Variants in SYNE2 observed in about 807,000 individuals in gnomAD.
SYNE2 encodes nesprin-2.
In SYNE2, 431 loss-of-function variants were observed where a neutral mutation model predicts 856.3. That is an observed-to-expected ratio of 0.50 (90% CI 0.47 to 0.55). The LOEUF is 0.55. SYNE2 is among the 20% of genes least tolerant of loss of function. SYNE2 has a pLI of 0.00. For missense variants in SYNE2, 8,129 were observed against 8,023.2 expected (o/e 1.01, Z -0.50); for synonymous variants, 2,923 against 2,872.3 (o/e 1.02, Z -0.56).
At chr14:64,177,034 G>A (rs539304030) in intron 95 of SYNE2, among the ~76,000 whole-genome samples, 1 of 152,260 alleles carries the variant, frequency 6.6e-6, no homozygotes, top group East Asian at 1.9e-4. Flanking sequence ...CTGACCTCAG[G>A]TGATCCACCC....
chr14:64,017,693 A>C lies in SYNE2; in HGVS notation c.4986A>C (p.Thr1662=). The C allele has an allele frequency of 6.2e-7, 1 of 1,613,824 alleles. No individual in the cohort carries two copies. Among genetic ancestry groups the C allele is most frequent in the Non-Finnish European group, 8.5e-7 (1 of 1,179,812 alleles). ...TAAAAAATGTCATTGATGAGTGGACAGAAAAGGCCCTTCAAAAAATGGAAT... is the reference window on the plus strand; with the variant it reads ...TAAAAAATGTCATTGATGAGTGGACCGAAAAGGCCCTTCAAAAAATGGAAT... ...FNLKNVIDEW[T]EKALQKMELH... The change falls in exon 34 of 116, where the codon ACA becomes ACC. Residue 1662 remains threonine, a synonymous_variant. Transcript: ENST00000555002.
rs2098469941 is a variant in SYNE2, at chr14:64,183,254, G to C, written c.17557-3170G>C. Among the ~76,000 whole-genome samples the C allele has an allele frequency of 2.0e-5, 3 of 151,856 alleles. No individual in the cohort carries two copies. In the South Asian group the frequency reaches 6.3e-4, roughly 32 times the overall value. ...ACTTCTCAGACGGGGCGGCCGGGCA[G>C]AGACTCCCCTCACCTCCCAGACAGG... On this transcript the variant is annotated intron_variant, in intron 96 of 115. Transcript: ENST00000555002.
intron 37 of SYNE2, among the ~76,000 whole-genome samples, 198 bp from the exon 38 acceptor site, chr14:64,022,553 C>T (rs1193158295): frequency 2.2e-4 from 33 of 150,656 alleles, no homozygotes; most frequent in Admixed American, 1.8e-3. Context: ...GGTCTCAAAC[C>T]TTGGTGAAAG....
At chr14:63,926,392 A>G (rs935045410) in intron 2 of SYNE2, among the ~76,000 whole-genome samples, 11 of 152,222 alleles carry the variant, frequency 7.2e-5, no homozygotes, top group Non-Finnish European at 1.5e-4. Flanking sequence ...AGCCATATTT[A>G]TTTGTGTAGA....
chr14:64,086,045 A>C (rs2097559090), intron 57 of SYNE2, among the ~76,000 whole-genome samples: 1 of 151,998 alleles, frequency 6.6e-6, no homozygotes, highest in Non-Finnish European at 1.5e-5. Flanking sequence ...TCTTTTATGG[A>C]TTATTCTTTT....
rs779013858 is a variant in SYNE2 at position 64,052,159 on chromosome 14, A to T, written c.8246A>T (p.Glu2749Val). The change falls in exon 48 of 116, where the codon GAA (glutamate) becomes GTA (valine). Residue 2749 changes from glutamate to valine, a missense_variant. By Grantham distance (121) the Glu-to-Val change is moderately radical. Around this residue, in one of 3 missense-constraint regions of SYNE2, gnomAD observed 5,410 missense variants for 5,284.8 expected, o/e 1.02. Coordinates refer to ENST00000555002, the MANE Select transcript of SYNE2 (RefSeq NM_182914.3). ...TTATGGGCCAAGAATTTGTTGGGTG[A>T]ACTTAATCCCTCCATTCCCCTTCTC... Reference protein sequence around the residue: ...TILWAKNLLGELNPSIPLLPD... With the variant: ...TILWAKNLLGVLNPSIPLLPD... 3.7e-6 allele frequency: 6 copies of T among 1,614,160 alleles called. No homozygotes were observed. In the East Asian group the frequency reaches 1.3e-4, roughly 36 times the overall value.
Position 64,051,989 on chromosome 14 carries a change from G to A in SYNE2, c.8076G>A (p.Arg2692=), listed in dbSNP as rs2153576378. 6.2e-7 allele frequency: 1 copy of A among 1,613,802 alleles called. No homozygotes were observed. Among genetic ancestry groups the A allele is most frequent in the East Asian group, 2.2e-5 (1 of 44,886 alleles). The change falls in exon 48 of 116, where the codon AGG becomes AGA. Residue 2692 remains arginine (R), a synonymous_variant. Coordinates refer to ENST00000555002, the MANE Select transcript of SYNE2 (RefSeq NM_182914.3). The part of the protein sequence containing the change: ...LKGQAELQMK[R]IWGEKEKKNL... Reference sequence around the variant, plus strand: ...GGCAAGCTGAACTTCAGATGAAGAGGATTTGGGGAGAAAAAGAAAAGAAGA... The same window carrying A: ...GGCAAGCTGAACTTCAGATGAAGAGAATTTGGGGAGAAAAAGAAAAGAAGA...
upstream of SYNE2, among the ~76,000 whole-genome samples, chr14:63,849,671 G>T (rs1382144471): frequency 1.3e-5 from 2 of 152,162 alleles, no homozygotes; most frequent in Non-Finnish European, 2.9e-5. Context: ...AACACATGAG[G>T]GTGGGATGCA....
chr14:63,887,232 G>A (rs1162565953), intron 1 of SYNE2, among the ~76,000 whole-genome samples: 1 of 151,676 alleles, frequency 6.6e-6, no homozygotes, highest in Admixed American at 6.6e-5. Context: ...AGTGAGCCGA[G>A]ATCGCACCAC....
At chr14:63,823,700 A>G (rs1481319354) in intron 1 of SYNE2, among the ~76,000 whole-genome samples, 1 of 149,106 alleles carries the variant, frequency 6.7e-6, no homozygotes, top group African/African-American at 2.5e-5. Flanking sequence ...CAATGGCCCT[A>G]TCTCAACTCA....
rs2096833471 is a variant in SYNE2 at position 64,010,268 on chromosome 14, A to G, written c.4728+152A>G. Reference sequence around the variant, plus strand: ...TACCAGGTATCTAAAAATTTGTTGTATTCATCACCAGGGCTGGAAAAAAGA... The same window carrying G: ...TACCAGGTATCTAAAAATTTGTTGTGTTCATCACCAGGGCTGGAAAAAAGA... On this transcript the variant is annotated intron_variant, in intron 32 of 115. Coordinates refer to ENST00000555002, the MANE Select transcript of SYNE2 (RefSeq NM_182914.3). The G allele has an allele frequency of 9.4e-6, 8 of 855,058 alleles. No homozygotes were observed. The South Asian group carries it at 1.1e-4, about 12-fold the overall frequency. The allele number at this position is 855,058 out of a possible 1,614,324, so 53.0% of individuals were successfully genotyped here.
At position 64,163,523 on chromosome 14, in the gene SYNE2, C is replaced by G; in HGVS notation, c.16421C>G (p.Ser5474Cys). 1.2e-6 allele frequency: 2 copies of G among 1,614,190 alleles called. No homozygotes were observed. The highest frequency in any genetic ancestry group is 1.1e-5 in the South Asian group (1 of 91,090). ...ATGCTCCTCCCGGGCCCCCTGCACT[C>G]TCTCCAGAGGGCTGCTTATTTGGAA... Reference protein sequence around the residue: ...THMLLPGPLHSLQRAAYLEKM... With the variant: ...THMLLPGPLHCLQRAAYLEKM... The change falls in exon 89 of 116, where the codon TCT becomes TGT. Residue 5474 changes from serine to cysteine, a missense_variant. By Grantham distance (112) the Ser-to-Cys change is moderately radical (BLOSUM62 -1). Transcript: ENST00000555002.
chr14:63,841,021 A>G (rs1216860891), intron 1 of SYNE2, among the ~76,000 whole-genome samples: 1 of 152,096 alleles, frequency 6.6e-6, no homozygotes, highest in East Asian at 1.9e-4. Context: ...TCTCAAAAAC[A>G]AAACAAAACA....
chr14:64,021,969 G>C lies in SYNE2; in HGVS notation c.5465G>C (p.Ser1822Thr). The C allele has an allele frequency of 6.2e-7, 1 of 1,613,804 alleles. No homozygotes were observed. Among genetic ancestry groups the C allele is most frequent in the Non-Finnish European group, 8.5e-7 (1 of 1,179,844 alleles). The change falls in exon 37 of 116, where the codon AGT (serine) becomes ACT (threonine). Residue 1822 changes from serine to threonine, a missense_variant. Coordinates refer to ENST00000555002, the MANE Select transcript of SYNE2 (RefSeq NM_182914.3). ...TTGAAAAAGCAATATGAAAGTGTCAGTGATTTATTTAATACCAAAAAAAGT... is the reference window on the plus strand; with the variant it reads ...TTGAAAAAGCAATATGAAAGTGTCACTGATTTATTTAATACCAAAAAAAGT... ...SELKKQYESVSDLFNTKKSVL... is the reference protein window; with the variant it reads ...SELKKQYESVTDLFNTKKSVL...
chr14:64,098,329 T>C (rs1195190305), intron 62 of SYNE2, 183 bp downstream of exon 62: 2 of 703,382 alleles, frequency 2.8e-6, no homozygotes, highest in African/African-American at 3.5e-5. Context: ...GTGTGCCTGT[T>C]CTGGACTCCA....
At chr14:64,153,653 A>G (rs966397320) in intron 85 of SYNE2, among the ~76,000 whole-genome samples, 2 of 152,224 alleles carry the variant, frequency 1.3e-5, no homozygotes, top group African/African-American at 4.8e-5. Flanking sequence ...TACTGTGCTC[A>G]CTGCCAGGGT....
At chr14:64,087,189 A>G (rs140973845) in intron 57 of SYNE2, among the ~76,000 whole-genome samples, 1 of 151,448 alleles carries the variant, frequency 6.6e-6, no homozygotes, top group Non-Finnish European at 1.5e-5. Flanking sequence ...AAAATTCTGA[A>G]TAACCCACTT....
chr14:63,908,373 A>G (rs912049458), intron 1 of SYNE2, among the ~76,000 whole-genome samples: 2 of 152,158 alleles, frequency 1.3e-5, no homozygotes, highest in Admixed American at 1.3e-4. Flanking sequence ...GATCATCCAT[A>G]TGGGAGAAGT....
At chr14:64,066,181 A>G (rs1219610366) in intron 51 of SYNE2, among the ~76,000 whole-genome samples, 1 of 152,202 alleles carries the variant, frequency 6.6e-6, no homozygotes, top group Non-Finnish European at 1.5e-5. Context: ...GGTATGAACT[A>G]TATTTAGAAA....
Sources: allele counts gnomAD v4.1 joint callset (sites outside exome capture counted in the v4.1 genomes callset), GRCh38; gene constraint gnomAD v4.1.1; regional missense constraint gnomAD v4.1.1; transcripts MANE v1.5; gene names NCBI Gene and HGNC (gene_info 2026-07-23, HGNC 2026-07-21).